PCDHA9: variants seen among roughly 807,000 people sequenced by gnomAD.
PCDHA9 encodes protocadherin alpha-9.
Under a neutral mutation model 62.0 loss-of-function variants are expected in PCDHA9, and 62 were observed. The ratio of observed to expected loss-of-function variants is 1.00; its 90% CI spans 0.81 to 1.23. PCDHA9 has a LOEUF of 1.23. PCDHA9 is among the 50% of genes most tolerant of loss of function. PCDHA9 has a pLI of 0.00. For synonymous variants in PCDHA9, 557 were observed against 567.6 expected (o/e 0.98, Z 0.27); for missense variants, 1,205 against 1,249.8 (o/e 0.96, Z 0.54).
chr5:141,001,518 C>G (rs573560944), intron 3 of PCDHA9, among the ~76,000 whole-genome samples: 2 of 152,272 alleles, frequency 1.3e-5, no homozygotes, highest in East Asian at 1.9e-4. Context: ...AGCTTTCTCC[C>G]TCTCTCTCTG....
intron 3 of PCDHA9, among the ~76,000 whole-genome samples, chr5:141,001,598 G>C (rs2098027263): frequency 6.6e-6 from 1 of 152,088 alleles, no homozygotes; most frequent in South Asian, 2.1e-4. Flanking sequence ...ACTCAGATTA[G>C]GTTTGCCCAA....
chr5:140,904,265 T>C (rs2070995327), intron 1 of PCDHA9, among the ~76,000 whole-genome samples: 1 of 152,118 alleles, frequency 6.6e-6, no homozygotes, highest in Non-Finnish European at 1.5e-5. Context: ...CTCCCACTTA[T>C]GAATGAGAAC....
At chr5:140,915,083 C>G (rs2076973100) in intron 1 of PCDHA9, among the ~76,000 whole-genome samples, 1 of 151,628 alleles carries the variant, frequency 6.6e-6, no homozygotes, top group African/African-American at 2.4e-5. Flanking sequence ...GTAGCTGGGA[C>G]TATGGGCACG....
At chr5:140,955,720 T>C (rs921545021) in intron 1 of PCDHA9, among the ~76,000 whole-genome samples, 7 of 152,354 alleles carry the variant, frequency 4.6e-5, no homozygotes, top group East Asian at 1.9e-4. Flanking sequence ...AGGAATACCA[T>C]TGAATCTATA....
chr5:140,983,284 A>G (rs540419188), intron 3 of PCDHA9, among the ~76,000 whole-genome samples: 1 of 152,330 alleles, frequency 6.6e-6, no homozygotes, highest in East Asian at 1.9e-4. Context: ...GAGTATAGGA[A>G]AATTGCTTAA....
intron 1 of PCDHA9, among the ~76,000 whole-genome samples, chr5:140,932,168 A>G (rs1279324749): frequency 1.3e-5 from 2 of 151,944 alleles, no homozygotes; most frequent in African/African-American, 4.8e-5. Flanking sequence ...ACAATTAGAC[A>G]ATGTGTACCT....
chr5:140,877,076 T>C, intron 1 of PCDHA9: 1 of 1,613,022 alleles, frequency 6.2e-7, no homozygotes, highest in Non-Finnish European at 8.5e-7. Flanking sequence ...CAGTTCCAGG[T>C]GAGCGCGCGC....
intron 1 of PCDHA9, among the ~76,000 whole-genome samples, chr5:140,948,075 T>C (rs1554218432): frequency 1.3e-5 from 2 of 151,684 alleles, no homozygotes; most frequent in Non-Finnish European, 3.0e-5. Flanking sequence ...AATTTTCTTT[T>C]AATCTATTGA....
intron 1 of PCDHA9, among the ~76,000 whole-genome samples, chr5:140,936,024 C>T (rs536876826): frequency 1.4e-4 from 22 of 151,890 alleles, no homozygotes; most frequent in African/African-American, 4.6e-4. Flanking sequence ...TCCCGAGTAG[C>T]GGGGATTACA....
In PCDHA9 at chr5:140,884,801, A is replaced by AT. The variant is rs2060359948; in HGVS notation, c.2394+33912_2394+33913insT. 5 of 1,250,206 alleles carry AT rather than the reference A, an allele frequency of 4.0e-6. No individual in the cohort carries two copies. In the South Asian group the frequency reaches 8.8e-5, roughly 22 times the overall value. 77.4% of individuals were successfully genotyped at this position (1,250,206 alleles called of 1,614,324 possible). A position where few individuals can be genotyped will look rare whatever the true frequency, so the allele number is the denominator to read the frequency against. On this transcript the variant is annotated intron_variant, in intron 1 of 3. Coordinates refer to ENST00000532602, the MANE Select transcript of PCDHA9 (RefSeq NM_031857.2). ...TTTGCTAGTTGTTATCGAATTTAACAACTCTGCTGTGGACATTATGTGTTG... is the reference window on the plus strand; with the variant it reads ...TTTGCTAGTTGTTATCGAATTTAACATACTCTGCTGTGGACATTATGTGTTG...
chr5:140,869,415 C>T (rs1444507177), intron 1 of PCDHA9: 2 of 1,614,216 alleles, frequency 1.2e-6, no homozygotes, highest in South Asian at 1.1e-5. Context: ...AGTGCAGCAT[C>T]CACCTGGAGG....
chr5:140,962,889 A>G (rs1554226313), intron 1 of PCDHA9, among the ~76,000 whole-genome samples: 2 of 152,220 alleles, frequency 1.3e-5, no homozygotes, highest in Admixed American at 6.5e-5. Flanking sequence ...GAATTAAAAA[A>G]TGAAAACTAG....
chr5:140,881,510 A>G (rs2058738971), intron 1 of PCDHA9: 1 of 210,204 alleles, frequency 4.8e-6, no homozygotes, highest in Non-Finnish European at 8.3e-6. Context: ...ACACTCACAT[A>G]CAAAATCCCA....
chr5:140,899,609 A>G (rs898089235), intron 1 of PCDHA9, among the ~76,000 whole-genome samples: 12 of 152,104 alleles, frequency 7.9e-5, no homozygotes, highest in Non-Finnish European at 1.6e-4. Context: ...CTTTTGCATC[A>G]ATGTTCATCA....
chr5:140,977,032 A>G (rs1488885995), intron 1 of PCDHA9, among the ~76,000 whole-genome samples: 3 of 152,212 alleles, frequency 2.0e-5, no homozygotes, highest in African/African-American at 7.2e-5. Flanking sequence ...TGAATCTAAG[A>G]AGGATGTTGT....
intron 3 of PCDHA9, among the ~76,000 whole-genome samples, chr5:141,003,906 T>C (rs2153979379): frequency 6.6e-6 from 1 of 152,260 alleles, no homozygotes; most frequent in South Asian, 2.1e-4. Context: ...TTCATTTGGG[T>C]CTTGACTGCA....
chr5:140,857,015 G>A, intron 1 of PCDHA9: 2 of 1,596,400 alleles, frequency 1.3e-6, no homozygotes, highest in Non-Finnish European at 1.7e-6. Context: ...AGATGTTACA[G>A]ATAAGGGAAA....
At chr5:140,975,439 T>C (rs1376325988) in intron 1 of PCDHA9, among the ~76,000 whole-genome samples, 2 of 152,222 alleles carry the variant, frequency 1.3e-5, no homozygotes, top group Non-Finnish European at 2.9e-5. Context: ...CACCAGGATA[T>C]AGGGATCTTG....
intron 1 of PCDHA9, chr5:140,968,016 A>G: frequency 6.2e-7 from 1 of 1,613,240 alleles, no homozygotes; most frequent in Non-Finnish European, 8.5e-7. Flanking sequence ...GGCTTTGGAA[A>G]CTCCTATACA....
Sources: gnomAD v4.1 joint callset for allele counts (sites outside exome capture counted in the v4.1 genomes callset) on GRCh38, gnomAD v4.1.1 for gene constraint, MANE v1.5 for transcripts, NCBI Gene and HGNC (gene_info 2026-07-23, HGNC 2026-07-21) for gene names.